SETBP1: variants seen among roughly 807,000 people sequenced by gnomAD.
SETBP1 encodes the protein SET binding protein 1.
Under a neutral mutation model 101.0 loss-of-function variants are expected in SETBP1, and 9 were observed. That is an observed-to-expected ratio of 0.09 (90% CI 0.05 to 0.16). SETBP1 has a LOEUF of 0.16. Among genes scored for constraint, SETBP1 ranks in the 10% least tolerant of loss-of-function variants. The pLI is 1.00. For synonymous variants in SETBP1, 818 were observed against 788.5 expected (o/e 1.04, Z -0.63); for missense variants, 1,858 against 2,033.8 (o/e 0.91, Z 1.66).
At chr18:44,944,222 A>C (rs2071152356) in intron 3 of SETBP1, among the ~76,000 whole-genome samples, 1 of 152,136 alleles carries the variant, frequency 6.6e-6, no homozygotes, top group African/African-American at 2.4e-5. Context: ...ATTATGTTAG[A>C]GTTTCATACT....
chr18:44,810,414 G>A (rs2071836453), intron 2 of SETBP1, among the ~76,000 whole-genome samples: 1 of 152,148 alleles, frequency 6.6e-6, no homozygotes, highest in Non-Finnish European at 1.5e-5. Flanking sequence ...TAATACAGAT[G>A]GAGGGTTGGT....
chr18:45,034,626 C>A (rs1386406956), intron 4 of SETBP1, among the ~76,000 whole-genome samples: 2 of 152,012 alleles, frequency 1.3e-5, no homozygotes, highest in African/African-American at 4.8e-5. Flanking sequence ...CCGGCTGTGT[C>A]TTTTAATTAA....
At chr18:44,827,446 G>A (rs571506727) in intron 2 of SETBP1, among the ~76,000 whole-genome samples, 11 of 152,224 alleles carry the variant, frequency 7.2e-5, no homozygotes, top group Middle Eastern at 3.4e-3. Flanking sequence ...GGAATAGGTC[G>A]GTTCTGAATA....
intron 2 of SETBP1, among the ~76,000 whole-genome samples, chr18:44,728,948 G>A (rs1474942354): frequency 1.3e-5 from 2 of 152,196 alleles, no homozygotes; most frequent in Non-Finnish European, 2.9e-5. Context: ...AGTGCTTATT[G>A]AATCCTTACT....
At chr18:44,777,629 G>A (rs913942129) in intron 2 of SETBP1, among the ~76,000 whole-genome samples, 1 of 152,188 alleles carries the variant, frequency 6.6e-6, no homozygotes, top group Non-Finnish European at 1.5e-5. Context: ...CTTCTATGCA[G>A]GCAAACTGAG....
intron 3 of SETBP1, chr18:44,876,761 T>C (rs1254511103): frequency 1.3e-6 from 2 of 1,511,398 alleles, no homozygotes; most frequent in Admixed American, 4.2e-5. Flanking sequence ...TAACTTCGCA[T>C]GGATTCTGCA....
At chr18:44,938,958 A>ATGTGTG (rs111916615) in intron 3 of SETBP1, among the ~76,000 whole-genome samples, 3,464 of 147,290 alleles carry the variant, frequency 0.024, 64 homozygotes, top group African/African-American at 0.054. Flanking sequence ...GAGTGTGTGC[A>ATGTGTG]TGTGTGTGTG....
chr18:44,745,073 T>A (rs1485569036), intron 2 of SETBP1, among the ~76,000 whole-genome samples: 1 of 152,136 alleles, frequency 6.6e-6, no homozygotes, highest in Non-Finnish European at 1.5e-5. Context: ...TCAGCGTGAT[T>A]TACTACCACC....
At position 44,805,235 on chromosome 18, in the gene SETBP1, G is replaced by C. The variant is rs549152744; in HGVS notation, c.487-63995G>C. Among the ~76,000 whole-genome samples, 4 of 152,230 alleles carry C rather than the reference G, an allele frequency of 2.6e-5. No individual in the cohort carries two copies. The East Asian group carries it at 7.7e-4, about 29-fold the overall frequency. ...GATGAGAAACCGTTTAAGACTCCAA[G>C]TAATTAAATAATAAAATAATAAAAG... On this transcript the variant is annotated intron_variant, in intron 2 of 5. Coordinates refer to ENST00000649279, the MANE Select transcript of SETBP1 (RefSeq NM_015559.3).
intron 2 of SETBP1, among the ~76,000 whole-genome samples, chr18:44,723,977 A>T (rs2144353182): frequency 6.6e-6 from 1 of 152,310 alleles, no homozygotes; most frequent in East Asian, 1.9e-4. Flanking sequence ...GAGCCAAGAG[A>T]CAGAACTATT....
chr18:44,875,316 C>A (rs532521391), intron 3 of SETBP1, among the ~76,000 whole-genome samples: 4 of 151,910 alleles, frequency 2.6e-5, no homozygotes, highest in East Asian at 1.9e-4. Flanking sequence ...GTCAAGAGAT[C>A]GAGACCTCCT....
At chr18:45,035,882 A>G (rs1381654332) in intron 4 of SETBP1, among the ~76,000 whole-genome samples, 1 of 152,204 alleles carries the variant, frequency 6.6e-6, no homozygotes, top group African/African-American at 2.4e-5. Context: ...TGCTCTGCCC[A>G]TTATCAGACT....
rs1371982429 is a variant in SETBP1 at position 45,063,108 on chromosome 18, C to G, written c.4201C>G (p.Arg1401Gly). 4 of 1,613,860 alleles carry G rather than the reference C, an allele frequency of 2.5e-6. No homozygotes were observed. Among genetic ancestry groups the G allele is most frequent in the African/African-American group, 2.7e-5 (2 of 74,856 alleles). Residue 1401 changes from arginine (R) to glycine (G), a missense_variant, in exon 6 of 6, where the codon CGG becomes GGG. Coordinates refer to ENST00000649279, the MANE Select transcript of SETBP1 (RefSeq NM_015559.3). ...VGSSLKKRFK[R>G]REIEAIQCEV... is the part of the protein sequence containing the mutation. ...CTCCTCCCTGAAGAAGAGGTTCAAG[C>G]GGCGGGAGATCGAAGCCATCCAGTG...
chr18:44,815,526 A>G (rs929508353), intron 2 of SETBP1, among the ~76,000 whole-genome samples: 2 of 152,218 alleles, frequency 1.3e-5, no homozygotes, highest in Admixed American at 6.5e-5. Flanking sequence ...GGCTGGAGAT[A>G]TACAAGTGGC....
chr18:44,900,642 A>C (rs2070022735), intron 3 of SETBP1, among the ~76,000 whole-genome samples: 1 of 152,192 alleles, frequency 6.6e-6, no homozygotes, highest in African/African-American at 2.4e-5. Flanking sequence ...TGTGCCCCCC[A>C]GACCAGCAGC....
chr18:44,889,752 C>T (rs1027835097), intron 3 of SETBP1, among the ~76,000 whole-genome samples: 1 of 152,054 alleles, frequency 6.6e-6, no homozygotes, highest in Non-Finnish European at 1.5e-5. Context: ...ATAGAAAGAA[C>T]AGATAAATTT....
intron 2 of SETBP1, among the ~76,000 whole-genome samples, chr18:44,721,463 G>A (rs2069594117): frequency 6.6e-6 from 1 of 152,200 alleles, no homozygotes; most frequent in African/African-American, 2.4e-5. Flanking sequence ...TCATCTGATA[G>A]GTTCACTGTC....
chr18:44,941,941 C>T (rs976166371), intron 3 of SETBP1, among the ~76,000 whole-genome samples: 1 of 151,848 alleles, frequency 6.6e-6, no homozygotes, highest in African/African-American at 2.4e-5. Context: ...TGGATTTTAC[C>T]CTCCTGATTG....
intron 2 of SETBP1, among the ~76,000 whole-genome samples, chr18:44,774,870 A>G (rs1186702692): frequency 6.6e-6 from 1 of 151,282 alleles, no homozygotes; most frequent in South Asian, 2.1e-4. Flanking sequence ...GAGTTTAGCA[A>G]TAGATTCCTG....
Sources: gnomAD v4.1 joint callset for allele counts (sites outside exome capture counted in the v4.1 genomes callset) on GRCh38, gnomAD v4.1.1 for gene constraint, MANE v1.5 for transcripts, NCBI Gene and HGNC (gene_info 2026-07-23, HGNC 2026-07-21) for gene names.